Variants in CLCNKB observed in about 807,000 individuals in gnomAD.
CLCNKB encodes chloride channel protein ClC-Kb.
CLCNKB carries 74 observed loss-of-function variants against 83.8 expected under a neutral mutation model. The observed-to-expected ratio is 0.88, with a 90% confidence interval of 0.73 to 1.07. The LOEUF is 1.07. Among genes scored for constraint, CLCNKB ranks in the 50% least tolerant of loss-of-function variants. The pLI, the probability that CLCNKB is intolerant of heterozygous loss-of-function variation, is 0.00. For synonymous variants in CLCNKB, 358 were observed against 356.6 expected, an observed-to-expected ratio of 1.00 and a Z score of -0.04; for missense variants, 798 against 893.6, an observed-to-expected ratio of 0.89 and a Z score of 1.36.
rs764261430 is a variant in CLCNKB, at chr1:16,056,966, G to A, written c.*50G>A. ...GCACCCCAGCTGACCTGGTACTGAGGTTGGGCTGAGACCCTGCTTCTCTTC... is the reference window on the plus strand; with the variant it reads ...GCACCCCAGCTGACCTGGTACTGAGATTGGGCTGAGACCCTGCTTCTCTTC... On this transcript the variant is annotated 3_prime_UTR_variant, in exon 20 of 20. Coordinates refer to ENST00000375679, the MANE Select transcript of CLCNKB (RefSeq NM_000085.5). The A allele has an allele frequency of 1.2e-5, 18 of 1,548,388 alleles. No individual in the cohort carries two copies. The highest frequency in any genetic ancestry group is 1.6e-5 in the Non-Finnish European group (18 of 1,122,832).
chr1:16,055,537 A>C lies in CLCNKB; in HGVS notation c.1845+14A>C. On this transcript the variant is annotated intron_variant, in intron 17 of 19. Coordinates refer to ENST00000375679, the MANE Select transcript of CLCNKB (RefSeq NM_000085.5). ...CCTGGACACCAGGTGGGTACTCCTG[A>C]GGGGCATGGGGATGGGGCGGGGGTG... 8 of 702,476 alleles carry C rather than the reference A, an allele frequency of 1.1e-5. No individual in the cohort carries two copies. Among genetic ancestry groups the C allele is most frequent in the Non-Finnish European group, 1.7e-5 (7 of 424,004 alleles). The allele number at this position is 702,476 out of a possible 1,614,324, so 43.5% of individuals were successfully genotyped here. A position where few individuals can be genotyped will look rare whatever the true frequency, so the allele number is the denominator to read the frequency against.
chr1:16,048,414 G>C lies in CLCNKB; in HGVS notation c.570G>C (p.Glu190Asp). 6.2e-7 allele frequency: 1 copy of C among 1,614,040 alleles called. No homozygotes were observed. The stretch of plus-strand genomic sequence containing the variant: ...GTGTGCGCACCACGACCATCGGGGA[G>C]CCTGAGGTTAGGGACTCGGGGGCTT... ...LGRVRTTTIGEPENKSKQNEM... is the reference protein window; with the variant it reads ...LGRVRTTTIGDPENKSKQNEM... Residue 190 changes from glutamate to aspartate, a missense_variant, in exon 6 of 20, where the codon GAG (glutamate) becomes GAC (aspartate). Transcript: ENST00000375679.
chr1:16,044,475 C>G lies in CLCNKB; in HGVS notation c.-7-11C>G. 1 of 1,588,518 alleles carries G rather than the reference C, an allele frequency of 6.3e-7. No homozygotes were observed. Among genetic ancestry groups the G allele is most frequent in the South Asian group, 1.2e-5 (1 of 86,760 alleles). ...GCTCACCGCGGTCCCTCCCTCTATC[C>G]GCTTCTCCAGGGGCCTGATGGAGGA... is the stretch of plus-strand genomic sequence containing the variant. On this transcript the variant is annotated splice_polypyrimidine_tract_variant and intron_variant, in intron 1 of 19. Coordinates refer to ENST00000375679, the MANE Select transcript of CLCNKB (RefSeq NM_000085.5).
At chr1:16,056,537 C>G (rs201295716) in intron 19 of CLCNKB, 29 bp downstream of exon 19, 213 of 1,540,984 alleles carry the variant, frequency 1.4e-4, no homozygotes, top group Non-Finnish European at 1.9e-4. Context: ...CAGAGCAAAG[C>G]AGGGAACCTA....
chr1:16,048,274 G>C lies in CLCNKB; in HGVS notation c.499-69G>C. The C allele has an allele frequency of 1.9e-6, 3 of 1,585,142 alleles. No homozygotes were observed. In the South Asian group the frequency reaches 3.3e-5, roughly 18 times the overall value. On this transcript the variant is annotated intron_variant, in intron 5 of 19. Coordinates refer to ENST00000375679, the MANE Select transcript of CLCNKB (RefSeq NM_000085.5). ...GAGGAGGGGGTGTTGGGGGGAAGCC[G>C]TGCTGACTCTGGGTGAGACCGTCTC...
In CLCNKB at chr1:16,056,853, CCT is replaced by C; in HGVS notation, c.2017-15_2017-14del. On this transcript the variant is annotated splice_polypyrimidine_tract_variant and intron_variant, in intron 19 of 19. Coordinates refer to ENST00000375679, the MANE Select transcript of CLCNKB (RefSeq NM_000085.5). ...TCTACATCCCCCCGCACCTCCACCCCCTTTCTCTGTTCTAGATGAAGAAAGCA... is the reference window on the plus strand; with the variant it reads ...TCTACATCCCCCCGCACCTCCACCCCTTCTCTGTTCTAGATGAAGAAAGCA... 1 of 1,440,308 alleles carries C rather than the reference CCT, an allele frequency of 6.9e-7. No individual in the cohort carries two copies. Among genetic ancestry groups the C allele is most frequent in the Non-Finnish European group, 9.6e-7 (1 of 1,040,866 alleles). 89.2% of individuals were successfully genotyped at this position (1,440,308 alleles called of 1,614,324 possible).
Position 16,045,779 on chromosome 1 carries a change from TG to T in CLCNKB, c.229+101del, listed in dbSNP as rs57591489. The T allele has an allele frequency of 1.8e-3, 1,052 of 575,470 alleles. 32 individuals carry two copies. The highest frequency in any genetic ancestry group is 2.5e-3 in the Non-Finnish European group (823 of 335,106). 35.6% of individuals were successfully genotyped at this position (575,470 alleles called of 1,614,324 possible). A position where few individuals can be genotyped will look rare whatever the true frequency, so the allele number is the denominator to read the frequency against. ...GGATGTCGCCAGGTGCAGCGGAGGT[TG>T]GGGGGGGTGCTCTGGGTGGGGATCT... On this transcript the variant is annotated intron_variant, in intron 3 of 19. Coordinates refer to ENST00000375679, the MANE Select transcript of CLCNKB (RefSeq NM_000085.5).
chr1:16,052,693 T>C (rs995537553), intron 15 of CLCNKB, among the ~76,000 whole-genome samples: 9 of 151,982 alleles, frequency 5.9e-5, no homozygotes, highest in African/African-American at 2.2e-4. Context: ...CTCAGAGAGG[T>C]GCCGTGTCTT....
At chr1:16,048,137 G>T (rs2023159278) in intron 5 of CLCNKB, 93 bp downstream of exon 5, 2 of 1,511,722 alleles carry the variant, frequency 1.3e-6, no homozygotes, top group South Asian at 1.2e-5. Flanking sequence ...CGTCAGAGGG[G>T]ACTTGGGCTG....
chr1:16,050,742 G>C, intron 11 of CLCNKB, 133 bp from the exon 12 acceptor site: 1 of 1,510,440 alleles, frequency 6.6e-7, no homozygotes, highest in Non-Finnish European at 9.1e-7. Context: ...GCTTCGGGAG[G>C]TCAGAGCCCT....
Position 16,044,356 on chromosome 1 carries a change from TACACAC to T in CLCNKB, c.-7-113_-7-108del, listed in dbSNP as rs1553127093. ...ACAGACCTAGTGTGATAACTTCACA[TACACAC>T]ACACACACACACACACGCACAATCT... On this transcript the variant is annotated intron_variant, in intron 1 of 19. Coordinates refer to ENST00000375679, the MANE Select transcript of CLCNKB (RefSeq NM_000085.5). The T allele has an allele frequency of 5.7e-3, 2,142 of 375,378 alleles. 39 individuals carry two copies. The highest frequency in any genetic ancestry group is 0.041 in the African/African-American group (1,912 of 46,800). 23.3% of individuals were successfully genotyped at this position (375,378 alleles called of 1,614,324 possible). A position where few individuals can be genotyped will look rare whatever the true frequency, so the allele number is the denominator to read the frequency against.
Position 16,044,593 on chromosome 1 carries a change from G to T in CLCNKB, c.100+1G>T, listed in dbSNP as rs770519624. The stretch of plus-strand genomic sequence containing the variant: ...CCCCGCATCCGCCGAGGCATCCGAG[G>T]TGAGAGCCAGGTCCTCTTCCCTTCC... On this transcript the variant is annotated splice_donor_variant, in intron 2 of 19. Coordinates refer to ENST00000375679, the MANE Select transcript of CLCNKB (RefSeq NM_000085.5). LOFTEE classifies it high-confidence loss of function. 1 of 1,595,196 alleles carries T rather than the reference G, an allele frequency of 6.3e-7. No homozygotes were observed. Among genetic ancestry groups the T allele is most frequent in the South Asian group, 1.1e-5 (1 of 87,398 alleles).
Position 16,048,647 on chromosome 1 carries a change from T to C in CLCNKB, c.655+65T>C, listed in dbSNP as rs553616251. The C allele has an allele frequency of 2.2e-4, 345 of 1,598,964 alleles. 2 individuals carry two copies. Among genetic ancestry groups the C allele is most frequent in the South Asian group, 7.3e-4 (66 of 90,622 alleles). On this transcript the variant is annotated intron_variant, in intron 7 of 19. Transcript: ENST00000375679. Reference sequence around the variant, plus strand: ...CTCCTCCCCTCACACCCTGGGCTCCTTCGGCCCAGCTGAGAGCCTGGAGGA... The same window carrying C: ...CTCCTCCCCTCACACCCTGGGCTCCCTCGGCCCAGCTGAGAGCCTGGAGGA...
intron 7 of CLCNKB, 163 bp from the exon 8 acceptor site, chr1:16,048,957 C>T (rs1370928089): frequency 1.3e-6 from 2 of 1,513,292 alleles, no homozygotes; most frequent in Non-Finnish European, 1.8e-6. Flanking sequence ...GCGGGCTCCT[C>T]CCCGCCCAGG....
intron 2 of CLCNKB, among the ~76,000 whole-genome samples, chr1:16,045,022 A>G (rs1455796049): frequency 1.3e-5 from 2 of 151,200 alleles, no homozygotes; most frequent in Non-Finnish European, 3.0e-5. Context: ...TACGGGGCAG[A>G]GCAAGTAGGG....
chr1:16,056,050 G>A (rs182125013), intron 18 of CLCNKB, among the ~76,000 whole-genome samples: 1 of 152,320 alleles, frequency 6.6e-6, no homozygotes, highest in East Asian at 1.9e-4. Context: ...AGGCACACGT[G>A]CGCTTCAATT....
At position 16,057,000 on chromosome 1, in the gene CLCNKB, C is replaced by G. The variant is rs554948451; in HGVS notation, c.*84C>G. The G allele has an allele frequency of 4.9e-4, 595 of 1,215,338 alleles. 4 individuals are homozygous for G. In the African/African-American group the frequency reaches 7.5e-3, roughly 15 times the overall value. The allele number at this position is 1,215,338 out of a possible 1,614,324, so 75.3% of individuals were successfully genotyped here. On this transcript the variant is annotated 3_prime_UTR_variant, in exon 20 of 20. Transcript: ENST00000375679. ...AGACCCTGCTTCTCTTCCCCCATCACCACCTGCCCCTCCCTCCAGCCCAGC... is the reference window on the plus strand; with the variant it reads ...AGACCCTGCTTCTCTTCCCCCATCAGCACCTGCCCCTCCCTCCAGCCCAGC...
In CLCNKB at chr1:16,055,666, C is replaced by T; in HGVS notation, c.1846-9C>T. 4 of 1,613,716 alleles carry T rather than the reference C, an allele frequency of 2.5e-6. No homozygotes were observed. The highest frequency in any genetic ancestry group is 1.1e-5 in the South Asian group (1 of 91,080). On this transcript the variant is annotated splice_polypyrimidine_tract_variant and intron_variant, in intron 17 of 19. Coordinates refer to ENST00000375679, the MANE Select transcript of CLCNKB (RefSeq NM_000085.5). ...CAGCCCTGCACCTGTAACCCTTCCC[C>T]ACCCCCAGCAGTGTCTCCAGGACAT...
In CLCNKB at chr1:16,056,388, T is replaced by C. The variant is rs754510268; in HGVS notation, c.1930-34T>C. On this transcript the variant is annotated intron_variant, in intron 18 of 19. Coordinates refer to ENST00000375679, the MANE Select transcript of CLCNKB (RefSeq NM_000085.5). ...GCTAGAGGGTGGGCTGGGCACCTTC[T>C]ACCCTCCAGTGTTTCCTAACATCCC... is the stretch of plus-strand genomic sequence containing the variant. The C allele has an allele frequency of 8.7e-6, 14 of 1,606,578 alleles. No individual in the cohort carries two copies. The African/African-American group carries it at 1.5e-4, about 17-fold the overall frequency.
Sources: allele counts gnomAD v4.1 joint callset (sites outside exome capture counted in the v4.1 genomes callset), GRCh38; gene constraint gnomAD v4.1.1; transcripts MANE v1.5; gene names NCBI Gene and HGNC (gene_info 2026-07-23, HGNC 2026-07-21).